The following HOMER2 variants were observed in gnomAD, a reference collection of about 807,000 sequenced individuals.
HOMER2 encodes the protein homer scaffold protein 2, also known as homer protein homolog 2.
HOMER2 carries 27 observed loss-of-function variants against 47.0 expected under a neutral mutation model. The ratio of observed to expected loss-of-function variants is 0.57; its 90% confidence interval spans 0.42 to 0.79. The LOEUF (loss-of-function observed/expected upper bound fraction) is 0.79, where lower values mean the gene tolerates loss of function less well. Among genes scored for constraint, HOMER2 ranks in the 30% least tolerant of loss-of-function variants. The pLI is 0.00. For missense variants in HOMER2, 443 were observed against 435.0 expected (o/e 1.02, Z -0.16); for synonymous variants, 161 against 163.8 (o/e 0.98, Z 0.13).
chr15:82,867,016 T>G (rs1326307533), intron 3 of HOMER2, among the ~76,000 whole-genome samples: 3 of 152,178 alleles, frequency 2.0e-5, no homozygotes, highest in African/African-American at 4.8e-5. Context: ...TCAACTTTTA[T>G]ATAAAAAATT....
chr15:82,928,008 G>C (rs929816773), intron 1 of HOMER2, among the ~76,000 whole-genome samples: 5 of 150,872 alleles, frequency 3.3e-5, no homozygotes, highest in African/African-American at 1.2e-4. Context: ...GCACCGCTAG[G>C]CTACTTCTGC....
intron 3 of HOMER2, among the ~76,000 whole-genome samples, chr15:82,867,211 GA>G (rs946015977): frequency 6.6e-6 from 1 of 151,456 alleles, no homozygotes; most frequent in Non-Finnish European, 1.5e-5. Flanking sequence ...TGCTTCTGAA[GA>G]AAAAAAAATT....
chr15:82,891,333 CCCTTCCTG>C (rs908852371), intron 2 of HOMER2, among the ~76,000 whole-genome samples: 1 of 152,140 alleles, frequency 6.6e-6, no homozygotes, highest in Non-Finnish European at 1.5e-5. Flanking sequence ...CTTCTGGGGT[CCCTTCCTG>C]AGGAAGAAGG....
chr15:82,942,643 C>T (rs1198717089), intron 1 of HOMER2, among the ~76,000 whole-genome samples: 3 of 152,172 alleles, frequency 2.0e-5, no homozygotes, highest in African/African-American at 7.2e-5. Context: ...TGAGGAGCTC[C>T]CTGACCAGCA....
In HOMER2 at chr15:82,907,426, A is replaced by G. The variant is rs139962494; in HGVS notation, c.6-14585T>C. Among the ~76,000 whole-genome samples, 347 of 149,864 alleles carry G rather than the reference A, an allele frequency of 2.3e-3. 2 individuals are homozygous for G. Among genetic ancestry groups the G allele is most frequent in the African/African-American group, 7.9e-3 (315 of 39,844 alleles). ...AAGAGAAGGAAAGAAAGAAAGAAAG[A>G]GAAGGAAAGAAAGAAAGAAAGAGAA... On this transcript the variant is annotated intron_variant, in intron 1 of 8. Coordinates refer to ENST00000450735, the MANE Select transcript of HOMER2 (RefSeq NM_004839.4).
At chr15:82,924,294 C>T (rs981240338) in intron 1 of HOMER2, among the ~76,000 whole-genome samples, 1 of 151,308 alleles carries the variant, frequency 6.6e-6, no homozygotes, top group South Asian at 2.1e-4. Flanking sequence ...AGGTTCAATG[C>T]TTGACTTTTA....
At chr15:82,878,359 A>G (rs999714424) in intron 2 of HOMER2, among the ~76,000 whole-genome samples, 17 of 152,306 alleles carry the variant, frequency 1.1e-4, no homozygotes, top group South Asian at 2.1e-4. Context: ...TCAGATGGCG[A>G]AACTGAGGCT....
Position 82,952,613 on chromosome 15 carries a change from G to A in HOMER2, c.-78C>T. 4 of 1,073,444 alleles carry A rather than the reference G, an allele frequency of 3.7e-6. No individual in the cohort carries two copies. Among genetic ancestry groups the A allele is most frequent in the Non-Finnish European group, 4.5e-6 (4 of 888,104 alleles). The allele number at this position is 1,073,444 out of a possible 1,614,324, so 66.5% of individuals were successfully genotyped here. ...CGCCCGCTCGGCAGCCGCTCCCCGC[G>A]CGGCACATGCGGCGGCCCGTGCGCG... is the stretch of plus-strand genomic sequence containing the variant. On this transcript the variant is annotated 5_prime_UTR_variant, in exon 1 of 9. Transcript: ENST00000450735.
intron 1 of HOMER2, among the ~76,000 whole-genome samples, chr15:82,937,798 T>A: frequency 6.6e-6 from 1 of 152,112 alleles, no homozygotes; most frequent in Admixed American, 6.5e-5. Flanking sequence ...CCGATCAGGG[T>A]GGCTGTCCCT....
At chr15:82,862,551 AAGAT>A (rs986911502) in intron 4 of HOMER2, among the ~76,000 whole-genome samples, 2 of 152,226 alleles carry the variant, frequency 1.3e-5, no homozygotes, top group African/African-American at 2.4e-5. Context: ...TATTCTGAAA[AAGAT>A]AGTATATTAG....
intron 1 of HOMER2, among the ~76,000 whole-genome samples, chr15:82,984,572 C>A (rs1259968393): frequency 6.6e-6 from 1 of 152,124 alleles, no homozygotes; most frequent in Admixed American, 6.5e-5. Context: ...TAATCCCAGC[C>A]CTTTGGGAGG....
chr15:82,875,307 CCAAA>C lies in HOMER2; in HGVS notation c.256_259del (p.Phe86ValfsTer10), dbSNP rs756824636. 6.2e-7 allele frequency: 1 copy of C among 1,613,906 alleles called. No homozygotes were observed. Among genetic ancestry groups the C allele is most frequent in the Admixed American group, 1.7e-5 (1 of 60,032 alleles). ...CTGCTGCTCAGAGGAAAACCCCAAACCAAACACTGTGTTGGCTCTGCTGTCGGCC... is the reference window on the plus strand; with the variant it reads ...CTGCTGCTCAGAGGAAAACCCCAAACCACTGTGTTGGCTCTGCTGTCGGCC... On this transcript the variant is annotated frameshift_variant, in exon 3 of 9. Transcript: ENST00000450735. LOFTEE classifies it high-confidence loss of function.
chr15:82,899,999 G>A lies in HOMER2; in HGVS notation c.6-7158C>T, dbSNP rs529307626. Among the ~76,000 whole-genome samples the A allele has an allele frequency of 1.1e-3, 172 of 152,178 alleles. 2 individuals are homozygous for A. Among genetic ancestry groups the A allele is most frequent in the South Asian group, 8.5e-3 (41 of 4,816 alleles). ...ATTATGCAACCGCACTTCAGCCTGG[G>A]CAACACAGTAGGTGAGACTCCATCT... On this transcript the variant is annotated intron_variant, in intron 1 of 8. Transcript: ENST00000450735.
chr15:82,891,169 C>T (rs2052693285), intron 2 of HOMER2, among the ~76,000 whole-genome samples: 1 of 152,182 alleles, frequency 6.6e-6, no homozygotes, highest in African/African-American at 2.4e-5. Context: ...AGGAAACTCT[C>T]CTCTACCAGC....
intron 1 of HOMER2, among the ~76,000 whole-genome samples, chr15:82,933,467 G>A (rs949905630): frequency 2.0e-5 from 3 of 152,188 alleles, no homozygotes; most frequent in Non-Finnish European, 2.9e-5. Flanking sequence ...GGCTGATCTC[G>A]AACTTGTGGC....
At chr15:82,930,389 C>T (rs1032819967) in intron 1 of HOMER2, among the ~76,000 whole-genome samples, 2 of 152,250 alleles carry the variant, frequency 1.3e-5, no homozygotes, top group African/African-American at 4.8e-5. Context: ...GACGTCTGTA[C>T]AGCATGCCAT....
intron 6 of HOMER2, 149 bp downstream of exon 6, chr15:82,854,495 G>C (rs984765907): frequency 2.9e-6 from 2 of 687,426 alleles, no homozygotes; most frequent in Non-Finnish European, 2.4e-6. Flanking sequence ...GGGAGGGGGA[G>C]GGACGTTCCC....
chr15:82,915,735 A>C (rs1323949354), intron 1 of HOMER2, among the ~76,000 whole-genome samples: 1 of 152,164 alleles, frequency 6.6e-6, no homozygotes. Context: ...CACTTCTTGG[A>C]ATCTATTCAA....
At chr15:82,931,736 A>G (rs1274558336) in intron 1 of HOMER2, among the ~76,000 whole-genome samples, 2 of 151,946 alleles carry the variant, frequency 1.3e-5, no homozygotes, top group Non-Finnish European at 2.9e-5. Flanking sequence ...TACTCAGAAG[A>G]CTGACGCAGG....
Sources: gnomAD v4.1 joint callset for allele counts (sites outside exome capture counted in the v4.1 genomes callset) on GRCh38, gnomAD v4.1.1 for gene constraint, MANE v1.5 for transcripts, NCBI Gene and HGNC (gene_info 2026-07-23, HGNC 2026-07-21) for gene names.